SCLT1: variants seen among roughly 807,000 people sequenced by gnomAD.
The protein encoded by SCLT1 is sodium channel and clathrin linker 1, also known as sodium channel-associated protein 1.
SCLT1 carries 78 observed loss-of-function variants against 112.8 expected under a neutral mutation model. That is an observed-to-expected ratio of 0.69 (90% confidence interval 0.58 to 0.83). The LOEUF (loss-of-function observed/expected upper bound fraction) is 0.83, where lower values mean the gene tolerates loss of function less well. Among genes scored for constraint, SCLT1 ranks in the 40% least tolerant of loss-of-function variants. The pLI is 0.00. For missense variants in SCLT1, 747 were observed against 770.4 expected, an observed-to-expected ratio of 0.97 and a Z score of 0.36; for synonymous variants, 257 against 254.7, an observed-to-expected ratio of 1.01 and a Z score of -0.09.
intron 18 of SCLT1, among the ~76,000 whole-genome samples, chr4:128,912,311 C>A (rs1187020072): frequency 6.6e-6 from 1 of 152,092 alleles, no homozygotes; most frequent in African/African-American, 2.4e-5. Context: ...ATGGAAGTAC[C>A]ATCTAGCAGT....
chr4:128,970,582 G>A, intron 9 of SCLT1, 114 bp from the exon 10 acceptor site: 1 of 635,418 alleles, frequency 1.6e-6, no homozygotes, highest in East Asian at 2.8e-5. Flanking sequence ...TATCTAAAAT[G>A]GATCCATGGA....
chr4:128,970,172 T>G (rs1223785664), intron 10 of SCLT1, among the ~76,000 whole-genome samples: 1 of 152,188 alleles, frequency 6.6e-6, no homozygotes, highest in Non-Finnish European at 1.5e-5. Context: ...TTCTATTGAA[T>G]TAGGCTATAG....
At chr4:129,069,494 T>C (rs1750790403) in intron 2 of SCLT1, among the ~76,000 whole-genome samples, 1 of 95,404 alleles carries the variant, frequency 1.0e-5, no homozygotes, top group Non-Finnish European at 2.6e-5. Flanking sequence ...TTAGGTATAT[T>C]CCTAAGCATT....
intron 5 of SCLT1, chr4:129,037,654 G>A (rs1346837191): frequency 2.6e-5 from 4 of 152,134 alleles, no homozygotes; most frequent in Non-Finnish European, 4.4e-5. Flanking sequence ...TAATGATTTA[G>A]TAGCACTTAA....
At chr4:128,960,429 A>G (rs1049084541) in intron 11 of SCLT1, among the ~76,000 whole-genome samples, 2 of 152,136 alleles carry the variant, frequency 1.3e-5, no homozygotes, top group African/African-American at 4.8e-5. Context: ...AAATCTCATC[A>G]AGTTAGAAAG....
intron 2 of SCLT1, among the ~76,000 whole-genome samples, chr4:129,063,446 GT>G (rs573201749): frequency 1.3e-5 from 2 of 152,062 alleles, no homozygotes; most frequent in African/African-American, 2.4e-5. Flanking sequence ...AATATCCCAT[GT>G]TTTTTTTGTG....
chr4:128,920,027 C>T (rs1444977302), intron 18 of SCLT1, among the ~76,000 whole-genome samples: 1 of 152,106 alleles, frequency 6.6e-6, no homozygotes, highest in Non-Finnish European at 1.5e-5. Context: ...GGAGAAGGGA[C>T]TTCTCTTTAA....
chr4:128,940,879 T>A (rs1052439287), intron 17 of SCLT1, among the ~76,000 whole-genome samples: 1 of 152,114 alleles, frequency 6.6e-6, no homozygotes, highest in Non-Finnish European at 1.5e-5. Context: ...ATATTTTAAT[T>A]ACTTTCTTAT....
At chr4:128,883,538 T>C (rs1205208132), downstream of SCLT1, among the ~76,000 whole-genome samples, 1 of 152,150 alleles carries the variant, frequency 6.6e-6, no homozygotes, top group Non-Finnish European at 1.5e-5. Context: ...ACATTTACCC[T>C]AGAACTTAAA....
At chr4:128,966,770 C>A (rs987250634) in intron 10 of SCLT1, among the ~76,000 whole-genome samples, 3 of 151,862 alleles carry the variant, frequency 2.0e-5, no homozygotes, top group African/African-American at 7.3e-5. Flanking sequence ...TATAACTTCA[C>A]TGAATATAGA....
At chr4:129,012,034 A>G (rs890338664) in intron 5 of SCLT1, among the ~76,000 whole-genome samples, 12 of 152,014 alleles carry the variant, frequency 7.9e-5, no homozygotes, top group African/African-American at 2.7e-4. Context: ...AATCTCCCTC[A>G]GTTCAGCTCT....
At chr4:129,086,107 G>C (rs1561070638) in intron 1 of SCLT1, among the ~76,000 whole-genome samples, 1 of 151,246 alleles carries the variant, frequency 6.6e-6, no homozygotes, top group Non-Finnish European at 1.5e-5. Context: ...AAAAAAACTA[G>C]ATCTGTGTCC....
At chr4:129,030,527 G>T (rs926176642) in intron 5 of SCLT1, among the ~76,000 whole-genome samples, 22 of 151,980 alleles carry the variant, frequency 1.4e-4, no homozygotes, top group African/African-American at 5.1e-4. Flanking sequence ...CCAGGAGCTG[G>T]TTTTTTCAAA....
intron 2 of SCLT1, among the ~76,000 whole-genome samples, chr4:129,078,653 G>A (rs1751669530): frequency 6.6e-6 from 1 of 152,122 alleles, no homozygotes. Context: ...AGAGCAGTCA[G>A]CTAAATATTG....
chr4:129,010,407 T>C (rs1371075139), intron 5 of SCLT1, among the ~76,000 whole-genome samples: 1 of 152,216 alleles, frequency 6.6e-6, no homozygotes, highest in Non-Finnish European at 1.5e-5. Context: ...GACTCTTTTT[T>C]CGTTCCACAT....
intron 19 of SCLT1, 142 bp downstream of exon 19, chr4:128,890,917 G>A (rs534399623): frequency 1.3e-4 from 75 of 577,360 alleles, no homozygotes; most frequent in African/African-American, 6.5e-4. Context: ...ATTATATTGC[G>A]TGTGGGCTTT....
chr4:128,946,258 T>A (rs1024400105), intron 15 of SCLT1, 106 bp from the exon 16 acceptor site: 2 of 654,650 alleles, frequency 3.1e-6, no homozygotes, highest in Non-Finnish European at 5.0e-6. Flanking sequence ...TGATTATGTG[T>A]TCATTTGTTC....
intron 18 of SCLT1, among the ~76,000 whole-genome samples, chr4:128,895,045 A>G (rs1293039534): frequency 1.3e-5 from 2 of 152,166 alleles, no homozygotes; most frequent in East Asian, 1.9e-4. Flanking sequence ...CGTCTCTTGC[A>G]TCTATTTTTC....
At chr4:128,969,437 C>T (rs545544114) in intron 10 of SCLT1, among the ~76,000 whole-genome samples, 45 of 151,750 alleles carry the variant, frequency 3.0e-4, no homozygotes, top group South Asian at 1.5e-3. Context: ...CCAGGCGTGG[C>T]GGCGTGCACC....
Sources: gnomAD v4.1 joint callset for allele counts (sites outside exome capture counted in the v4.1 genomes callset) on GRCh38, gnomAD v4.1.1 for gene constraint, MANE v1.5 for transcripts, NCBI Gene and HGNC (gene_info 2026-07-23, HGNC 2026-07-21) for gene names.